The following AUTS2 variants were observed in gnomAD, a reference collection of about 807,000 sequenced individuals.
The protein encoded by AUTS2 is autism susceptibility gene 2 protein.
Under a neutral mutation model 112.4 loss-of-function variants are expected in AUTS2, and 17 were observed. The observed-to-expected ratio is 0.15, with a 90% CI of 0.10 to 0.23. The LOEUF is 0.23. Ranked by LOEUF, AUTS2 falls within the 10% of genes least tolerant of loss-of-function variation. The pLI is 1.00. For missense variants in AUTS2, 1,510 were observed against 1,701.6 expected (o/e 0.89, Z 1.98); for synonymous variants, 751 against 702.7 (o/e 1.07, Z -1.09).
chr7:70,786,034 C>T lies in AUTS2; in HGVS notation c.2304C>T (p.Ser768=), dbSNP rs529622990. 17 of 1,613,526 alleles carry T rather than the reference C, an allele frequency of 1.1e-5. No homozygotes were observed. The highest frequency in any genetic ancestry group is 8.3e-5 in the Admixed American group (5 of 59,998). The change falls in exon 17 of 19, where the codon TCC becomes TCT. Residue 768 remains serine, a synonymous_variant. Transcript: ENST00000342771. ...GNAFGGLGNP[S]VTPNSMFGHK... is the part of the protein sequence containing the mutation. Reference sequence around the variant, plus strand: ...CCTTCGGGGGACTTGGAAATCCTTCCGTTAGTGAGTACCTCTAACTTTTAA... The same window carrying T: ...CCTTCGGGGGACTTGGAAATCCTTCTGTTAGTGAGTACCTCTAACTTTTAA...
At chr7:69,686,692 G>A (rs1797081183) in intron 1 of AUTS2, among the ~76,000 whole-genome samples, 1 of 152,142 alleles carries the variant, frequency 6.6e-6, no homozygotes. Flanking sequence ...CATGGCCCGG[G>A]TTGCAAATTT....
chr7:70,651,601 T>G (rs1806511132), intron 5 of AUTS2, among the ~76,000 whole-genome samples: 1 of 152,110 alleles, frequency 6.6e-6, no homozygotes, highest in Non-Finnish European at 1.5e-5. Context: ...CTCATGTAAT[T>G]TATTGAATAC....
intron 3 of AUTS2, among the ~76,000 whole-genome samples, chr7:70,125,311 C>G (rs1184874492): frequency 6.7e-6 from 1 of 150,328 alleles, no homozygotes; most frequent in Admixed American, 6.7e-5. Context: ...TTTGTACTTT[C>G]TTGGACAAGA....
chr7:69,758,054 C>A (rs1429404854), intron 1 of AUTS2, among the ~76,000 whole-genome samples: 1 of 152,190 alleles, frequency 6.6e-6, no homozygotes, highest in African/African-American at 2.4e-5. Flanking sequence ...TGATCTGGTT[C>A]TTGAAGGGTA....
chr7:69,974,619 TCAAACA>T (rs1334247962), intron 2 of AUTS2, among the ~76,000 whole-genome samples: 74 of 152,042 alleles, frequency 4.9e-4, no homozygotes, highest in Non-Finnish European at 9.9e-4. Flanking sequence ...ATGTCCCAGC[TCAAACA>T]GAGAGTAAAT....
intron 1 of AUTS2, among the ~76,000 whole-genome samples, chr7:69,664,314 G>A (rs966316115): frequency 9.2e-5 from 14 of 152,114 alleles, no homozygotes; most frequent in African/African-American, 3.4e-4. Context: ...ACTGTATTAG[G>A]AGCTTAGTAT....
chr7:70,138,700 A>G (rs1388163557), intron 4 of AUTS2, among the ~76,000 whole-genome samples: 1 of 152,198 alleles, frequency 6.6e-6, no homozygotes, highest in Non-Finnish European at 1.5e-5. Context: ...TCAGTGATTA[A>G]AACTGCCGCA....
chr7:70,301,686 A>G (rs1789222475), intron 4 of AUTS2, among the ~76,000 whole-genome samples: 1 of 151,920 alleles, frequency 6.6e-6, no homozygotes, highest in African/African-American at 2.4e-5. Flanking sequence ...ATTTTTTAAA[A>G]TTTCATAATG....
intron 6 of AUTS2, among the ~76,000 whole-genome samples, chr7:70,726,775 C>G (rs1787059231): frequency 6.6e-6 from 1 of 152,192 alleles, no homozygotes; most frequent in Non-Finnish European, 1.5e-5. Context: ...ACAATAGCAT[C>G]TTCTGGAACC....
At chr7:69,645,282 A>G (rs183971806) in intron 1 of AUTS2, among the ~76,000 whole-genome samples, 141 of 152,264 alleles carry the variant, frequency 9.3e-4, no homozygotes, top group African/African-American at 3.3e-3. Context: ...TAAAATTGCA[A>G]TGAAAATTGT....
chr7:70,625,227 C>T (rs1804876522), intron 5 of AUTS2, among the ~76,000 whole-genome samples: 1 of 152,170 alleles, frequency 6.6e-6, no homozygotes, highest in African/African-American at 2.4e-5. Context: ...CTCTGCACCC[C>T]CATATCTCTA....
intron 6 of AUTS2, among the ~76,000 whole-genome samples, chr7:70,728,981 A>G (rs1787198621): frequency 6.6e-6 from 1 of 152,114 alleles, no homozygotes; most frequent in Non-Finnish European, 1.5e-5. Flanking sequence ...GCTCTCTCCC[A>G]AGGGGCCACA....
chr7:69,665,704 T>A (rs1795999368), intron 1 of AUTS2, among the ~76,000 whole-genome samples: 1 of 152,248 alleles, frequency 6.6e-6, no homozygotes, highest in Non-Finnish European at 1.5e-5. Context: ...AGATTCTGAA[T>A]AAATTATTCA....
intron 5 of AUTS2, among the ~76,000 whole-genome samples, chr7:70,623,615 T>G (rs970071525): frequency 2.0e-5 from 3 of 152,246 alleles, no homozygotes; most frequent in African/African-American, 7.2e-5. Context: ...TTCTGGACAG[T>G]GGTGCTCTAG....
chr7:70,310,876 C>T (rs933811412), intron 4 of AUTS2, among the ~76,000 whole-genome samples: 3 of 152,070 alleles, frequency 2.0e-5, no homozygotes, highest in African/African-American at 7.2e-5. Flanking sequence ...TATCGTCCTA[C>T]TGGGGTTTTT....
intron 15 of AUTS2, chr7:70,783,006 C>T (rs1195160011): frequency 6.6e-6 from 1 of 152,204 alleles, no homozygotes; most frequent in Non-Finnish European, 1.5e-5. Flanking sequence ...GACAGGGCTA[C>T]ATGAAGAGCA....
intron 4 of AUTS2, among the ~76,000 whole-genome samples, chr7:70,406,066 G>T (rs745406871): frequency 2.0e-5 from 3 of 152,166 alleles, no homozygotes; most frequent in African/African-American, 2.4e-5. Context: ...CTCTTTTCAC[G>T]GTCTCCCCTT....
chr7:70,171,862 T>G (rs1808708256), intron 4 of AUTS2, among the ~76,000 whole-genome samples: 1 of 151,392 alleles, frequency 6.6e-6, no homozygotes, highest in Non-Finnish European at 1.5e-5. Flanking sequence ...ATCTGGGAAA[T>G]TGCTACAGAA....
chr7:69,623,094 T>C (rs1583958881), intron 1 of AUTS2, among the ~76,000 whole-genome samples: 2 of 152,222 alleles, frequency 1.3e-5, no homozygotes, highest in Admixed American at 1.3e-4. Context: ...TGCAGTGGTT[T>C]CTAAACCGAG....
Sources: allele counts gnomAD v4.1 joint callset (sites outside exome capture counted in the v4.1 genomes callset), GRCh38; gene constraint gnomAD v4.1.1; transcripts MANE v1.5; gene names NCBI Gene and HGNC (gene_info 2026-07-23, HGNC 2026-07-21).